RTL9: variants seen among roughly 807,000 people sequenced by gnomAD.
The protein encoded by RTL9 is retrotransposon Gag like 9, also known as retrotransposon Gag-like protein 9.
RTL9 carries 19 observed loss-of-function variants against 44.7 expected under a neutral mutation model. The ratio of observed to expected loss-of-function variants is 0.42; its 90% CI spans 0.30 to 0.62. The LOEUF is 0.62. RTL9 is among the 20% of genes least tolerant of loss of function. The probability of loss-of-function intolerance (pLI) is 0.16; values close to 1 mark genes in which losing one functional copy is unlikely to be tolerated. For synonymous variants in RTL9, 407 were observed against 398.9 expected (o/e 1.02, Z -0.24); for missense variants, 1,105 against 1,080.6 (o/e 1.02, Z -0.32).
chrX:110,409,450 A>T (rs1353147655), intron 1 of RTL9, among the ~76,000 whole-genome samples: 1 of 111,758 alleles, frequency 8.9e-6, no homozygotes, highest in Non-Finnish European at 1.9e-5. Context: ...CTACCTAAAA[A>T]GAGGGCTGTT....
At chrX:110,370,234 G>A (rs1056760874) in intron 1 of RTL9, among the ~76,000 whole-genome samples, 1 of 111,576 alleles carries the variant, frequency 9.0e-6, no homozygotes, top group Non-Finnish European at 1.9e-5. Context: ...TAAAGACAGA[G>A]TATCACTCTT....
intron 1 of RTL9, among the ~76,000 whole-genome samples, chrX:110,421,376 G>C (rs189450657): frequency 8.9e-6 from 1 of 112,463 alleles, no homozygotes; most frequent in East Asian, 2.8e-4. Context: ...TCAGAGCCAA[G>C]GACAATTTTG....
chrX:110,445,461 G>A (rs146004853), intron 2 of RTL9, among the ~76,000 whole-genome samples, 193 bp downstream of exon 2: 1 of 111,251 alleles, frequency 9.0e-6, no homozygotes, highest in Non-Finnish European at 1.9e-5. Flanking sequence ...ATAAAGAGCC[G>A]GTGCGCATTT....
chrX:110,407,736 C>G (rs1226536484), intron 1 of RTL9, among the ~76,000 whole-genome samples: 1 of 112,261 alleles, frequency 8.9e-6, no homozygotes, highest in Non-Finnish European at 1.9e-5. Flanking sequence ...CTGTGTGAGG[C>G]TGACAAGAAA....
exon 1 of RTL9, chrX:110,454,312 T>C (rs1603026315): frequency 7.4e-6 from 9 of 1,210,202 alleles, no homozygotes; most frequent in East Asian, 3.0e-5. Flanking sequence ...CTATCTGAGA[T>C]AGACATCCTC....
intron 1 of RTL9, among the ~76,000 whole-genome samples, chrX:110,374,705 G>A (rs374909697): frequency 3.6e-5 from 4 of 111,542 alleles, no homozygotes; most frequent in Admixed American, 1.9e-4. Flanking sequence ...ATTTATTTTC[G>A]GTGGAGGGTG....
At chrX:110,384,527 T>G (rs142595890) in intron 1 of RTL9, among the ~76,000 whole-genome samples, 8,245 of 111,606 alleles carry the variant, frequency 0.074, 455 homozygotes, top group African/African-American at 0.18. Flanking sequence ...TCCCTTTGCA[T>G]TTAACTTAAT....
intron 1 of RTL9, among the ~76,000 whole-genome samples, chrX:110,364,473 C>T (rs1181954066): frequency 9.0e-6 from 1 of 111,644 alleles, no homozygotes; most frequent in East Asian, 2.8e-4. Context: ...GCAGGCTGCT[C>T]CCACCAAACA....
In RTL9 at chrX:110,452,258, A is replaced by C. The variant is rs1165474949; in HGVS notation, c.1641A>C (p.Glu547Asp). ...TGCAAATGAGAGCCCCTGTCTCTGA[A>C]GCAATGTCCATGCCACAAATGAGAA... The change falls in exon 1 of 2, where the codon GAA becomes GAC. Residue 547 changes from glutamate to aspartate, a missense_variant. Coordinates refer to ENST00000540313, the Ensembl canonical transcript of RTL9. 8.3e-7 allele frequency: 1 copy of C among 1,212,020 alleles called. No individual in the cohort carries two copies. The highest frequency in any genetic ancestry group is 3.0e-5 in the East Asian group (1 of 33,834).
chrX:110,401,265 G>C (rs1406268966), intron 1 of RTL9, among the ~76,000 whole-genome samples: 2 of 110,855 alleles, frequency 1.8e-5, no homozygotes, highest in Non-Finnish European at 3.8e-5. Flanking sequence ...TCAGCTCTGG[G>C]CAAAATGGTG....
intron 1 of RTL9, among the ~76,000 whole-genome samples, chrX:110,379,462 C>G (rs1262356642): frequency 8.9e-6 from 1 of 112,506 alleles, no homozygotes; most frequent in Non-Finnish European, 1.9e-5. Flanking sequence ...ATGGCAGCCT[C>G]TCATGGCTTT....
intron 1 of RTL9, among the ~76,000 whole-genome samples, chrX:110,377,296 A>G (rs1454282517): frequency 9.0e-6 from 1 of 111,375 alleles, no homozygotes; most frequent in Non-Finnish European, 1.9e-5. Context: ...ATATCTTTCT[A>G]TTTGTCCGCA....
At chrX:110,454,537 C>T (rs773615829) in exon 1 of RTL9, 1 of 1,210,285 alleles carries the variant, frequency 8.3e-7, no homozygotes, top group African/African-American at 1.7e-5. Flanking sequence ...TCTCTGTACA[C>T]CGAGTGCCAG....
At chrX:110,386,349 T>A (rs1314754621) in intron 1 of RTL9, among the ~76,000 whole-genome samples, 1 of 110,181 alleles carries the variant, frequency 9.1e-6, no homozygotes, top group Non-Finnish European at 1.9e-5. Context: ...ATATTTATTT[T>A]ATTTTTTATT....
chrX:110,392,563 G>GT (rs1569421018), intron 1 of RTL9, among the ~76,000 whole-genome samples: 1 of 112,084 alleles, frequency 8.9e-6, no homozygotes, highest in Non-Finnish European at 1.9e-5. Flanking sequence ...GATTATAGGC[G>GT]TGAGCCACTG....
At chrX:110,451,465 C>T in exon 1 of RTL9, 2 of 1,211,736 alleles carry the variant, frequency 1.7e-6, no homozygotes, top group Non-Finnish European at 2.2e-6. Flanking sequence ...GGTACATCAC[C>T]CCAGCCAACA....
chrX:110,404,457 C>G (rs1471147202), intron 1 of RTL9, among the ~76,000 whole-genome samples: 2 of 111,742 alleles, frequency 1.8e-5, no homozygotes, highest in East Asian at 5.6e-4. Context: ...ACTCGCAGGA[C>G]AAACTCCAGG....
At chrX:110,422,365 T>C (rs895816534) in intron 1 of RTL9, among the ~76,000 whole-genome samples, 2 of 112,715 alleles carry the variant, frequency 1.8e-5, no homozygotes, top group African/African-American at 6.5e-5. Flanking sequence ...CCTCTGCCAA[T>C]TGCTGACATT....
At chrX:110,382,278 C>T (rs1234169022) in intron 1 of RTL9, among the ~76,000 whole-genome samples, 1 of 109,359 alleles carries the variant, frequency 9.1e-6, no homozygotes, top group African/African-American at 3.3e-5. Context: ...TGGGTCATGA[C>T]GAACTTTATT....
Sources: gnomAD v4.1 joint callset for allele counts (sites outside exome capture counted in the v4.1 genomes callset) on GRCh38, gnomAD v4.1.1 for gene constraint, MANE v1.5 for transcripts, NCBI Gene and HGNC (gene_info 2026-07-23, HGNC 2026-07-21) for gene names.